The following SEC14L5 variants were observed in gnomAD, a reference collection of about 807,000 sequenced individuals.
SEC14L5 encodes the protein SEC14 like lipid binding 5, also known as SEC14-like protein 5.
In SEC14L5, 96 loss-of-function variants were observed where a neutral mutation model predicts 84.6. That is an observed-to-expected ratio of 1.13 (90% CI 0.96 to 1.34). The LOEUF is 1.34. Among genes scored for constraint, SEC14L5 ranks in the 40% most tolerant of loss-of-function variants. SEC14L5 has a pLI of 0.00. For synonymous variants in SEC14L5, 546 were observed against 383.4 expected (o/e 1.42, Z -4.95); for missense variants, 1,224 against 942.5 (o/e 1.30, Z -3.91).
chr16:5,007,652 C>G (rs1955747361), intron 13 of SEC14L5, among the ~76,000 whole-genome samples, 166 bp downstream of exon 13: 2 of 144,496 alleles, frequency 1.4e-5, no homozygotes, highest in South Asian at 4.3e-4. Flanking sequence ...GTTGCCCAGG[C>G]TGGAGTGCAG....
intron 2 of SEC14L5, among the ~76,000 whole-genome samples, chr16:4,961,062 G>A (rs1421786598): frequency 6.6e-6 from 1 of 152,098 alleles, no homozygotes; most frequent in Non-Finnish European, 1.5e-5. Flanking sequence ...ACAAGGTCAG[G>A]AGATCAAGAC....
At chr16:4,985,566 C>T (rs929568772) in intron 2 of SEC14L5, among the ~76,000 whole-genome samples, 21 of 152,012 alleles carry the variant, frequency 1.4e-4, no homozygotes, top group Admixed American at 5.3e-4. Flanking sequence ...CCAATTGTCC[C>T]GGCACCATTT....
rs1271550192 is a variant in SEC14L5 at position 5,006,041 on chromosome 16, A to T, written c.1430A>T (p.Glu477Val). Residue 477 changes from glutamate (E) to valine (V), a missense_variant, in exon 12 of 16, where the codon GAG becomes GTG. Physicochemically the swap from Glu to Val is moderately radical, Grantham distance 121. Coordinates refer to ENST00000251170, the MANE Select transcript of SEC14L5 (RefSeq NM_014692.2). ...GTGATCCCTGACTTCCTTGGGGGAG[A>T]GAGTGTGGTGAGGCTTCCATGTCCA... is the stretch of plus-strand genomic sequence containing the variant. ...REVIPDFLGG[E>V]SVCNVPEGGL... 6.2e-7 allele frequency: 1 copy of T among 1,613,120 alleles called. No individual in the cohort carries two copies. Among genetic ancestry groups the T allele is most frequent in the Non-Finnish European group, 8.5e-7 (1 of 1,179,620 alleles).
chr16:4,995,979 GGA>G (rs1313623506), intron 6 of SEC14L5, among the ~76,000 whole-genome samples: 1 of 152,136 alleles, frequency 6.6e-6, no homozygotes, highest in Non-Finnish European at 1.5e-5. Context: ...ACAGGGGTGT[GGA>G]GAGAGCTCAG....
chr16:4,967,584 T>C (rs1955219081), intron 2 of SEC14L5, among the ~76,000 whole-genome samples: 1 of 138,856 alleles, frequency 7.2e-6, no homozygotes, highest in South Asian at 2.5e-4. Flanking sequence ...TTTTTTTTTT[T>C]TTTTTTTTGA....
At chr16:4,978,836 C>A (rs567537978) in intron 2 of SEC14L5, among the ~76,000 whole-genome samples, 1 of 152,106 alleles carries the variant, frequency 6.6e-6, no homozygotes, top group Non-Finnish European at 1.5e-5. Flanking sequence ...CGCTTGACCT[C>A]GTGATCTGCC....
At chr16:5,012,270 G>C (rs1955814687) in intron 15 of SEC14L5, among the ~76,000 whole-genome samples, 1 of 152,174 alleles carries the variant, frequency 6.6e-6, no homozygotes. Context: ...ATAGACACAG[G>C]CATTGGAAGG....
chr16:4,962,436 C>T (rs540840494), intron 2 of SEC14L5, among the ~76,000 whole-genome samples: 7 of 151,986 alleles, frequency 4.6e-5, no homozygotes, highest in Non-Finnish European at 1.0e-4. Flanking sequence ...GCCTGTAATC[C>T]CAACACTTTG....
At chr16:4,996,236 G>T in intron 6 of SEC14L5, 112 bp from the exon 7 acceptor site, 1 of 667,586 alleles carries the variant, frequency 1.5e-6, no homozygotes, top group Non-Finnish European at 2.7e-6. Context: ...AGCCTGGTTT[G>T]GAACCACGTT....
chr16:4,975,460 G>A (rs1596618856), intron 2 of SEC14L5, among the ~76,000 whole-genome samples: 4 of 86,598 alleles, frequency 4.6e-5, no homozygotes, highest in South Asian at 4.0e-4. Context: ...GTGACAGAGC[G>A]AAACTCCATC....
chr16:5,017,514 C>T lies in SEC14L5; in HGVS notation c.*2544C>T, dbSNP rs1955889123. On this transcript the variant is annotated 3_prime_UTR_variant, in exon 16 of 16. Coordinates refer to ENST00000251170, the MANE Select transcript of SEC14L5 (RefSeq NM_014692.2). ...GCCAGCAGCCCCAAGCCTATAATTT[C>T]AGGATTCACACTCTAAGAGATGCTT... 1 of 152,274 alleles carries T rather than the reference C, an allele frequency of 6.6e-6. No homozygotes were observed. Among genetic ancestry groups the T allele is most frequent in the Non-Finnish European group, 1.5e-5 (1 of 68,072 alleles). 9.4% of individuals were successfully genotyped at this position (152,274 alleles called of 1,614,324 possible). A position where few individuals can be genotyped will look rare whatever the true frequency, so the allele number is the denominator to read the frequency against.
chr16:5,003,963 C>CGTGCATGCACCCAT (rs1308203180), intron 11 of SEC14L5, among the ~76,000 whole-genome samples: 1 of 152,240 alleles, frequency 6.6e-6, no homozygotes, highest in Non-Finnish European at 1.5e-5. Flanking sequence ...TGGGTACACG[C>CGTGCATGCACCCAT]GTGCATGCAC....
At chr16:4,960,954 C>G (rs1955113427) in intron 2 of SEC14L5, among the ~76,000 whole-genome samples, 1 of 152,096 alleles carries the variant, frequency 6.6e-6, no homozygotes, top group East Asian at 1.9e-4. Flanking sequence ...CTCTGCCATG[C>G]TCTGGTTGTA....
At position 4,996,968 on chromosome 16, in the gene SEC14L5, T is replaced by A; in HGVS notation, c.894T>A (p.Asp298Glu). Residue 298 changes from aspartate to glutamate, a missense_variant, in exon 8 of 16, where the codon GAT becomes GAA. Transcript: ENST00000251170. Reference sequence around the variant, plus strand: ...GCTGGCGCAAGCAGCACCAGGTGGATCTCCTCCTTCAGACCTGGCAACCCC... The same window carrying A: ...GCTGGCGCAAGCAGCACCAGGTGGAACTCCTCCTTCAGACCTGGCAACCCC... ...SLSWRKQHQV[D>E]LLLQTWQPPA... 6.2e-7 allele frequency: 1 copy of A among 1,613,460 alleles called. No individual in the cohort carries two copies. The highest frequency in any genetic ancestry group is 8.5e-7 in the Non-Finnish European group (1 of 1,179,666).
chr16:4,991,476 G>C (rs1210849654), intron 5 of SEC14L5, among the ~76,000 whole-genome samples: 1 of 151,936 alleles, frequency 6.6e-6, no homozygotes, highest in Non-Finnish European at 1.5e-5. Context: ...TGAGGCAGGA[G>C]GATCTCTTGA....
chr16:4,993,279 T>C (rs957133574), intron 6 of SEC14L5, among the ~76,000 whole-genome samples: 1 of 152,230 alleles, frequency 6.6e-6, no homozygotes, highest in African/African-American at 2.4e-5. Flanking sequence ...TCTCACTGTG[T>C]CACCCAGGCT....
Position 5,003,083 on chromosome 16 carries a change from T to C in SEC14L5, c.1131-319T>C, listed in dbSNP as rs548308930. On this transcript the variant is annotated intron_variant, in intron 10 of 15. Coordinates refer to ENST00000251170, the MANE Select transcript of SEC14L5 (RefSeq NM_014692.2). ...GTGCCCGTCCTTGCAGAGAGCTTTG[T>C]ATATACCATCTCACTTGATCCTAAC... Among the ~76,000 whole-genome samples, 4 of 152,382 alleles carry C rather than the reference T, an allele frequency of 2.6e-5. No homozygotes were observed. The South Asian group carries it at 6.2e-4, about 24-fold the overall frequency.
chr16:4,964,088 T>G (rs983943786), intron 2 of SEC14L5, among the ~76,000 whole-genome samples: 1 of 152,204 alleles, frequency 6.6e-6, no homozygotes, highest in African/African-American at 2.4e-5. Context: ...TGGAGGCAGC[T>G]GGAGTATCCA....
chr16:4,997,170 C>T, intron 8 of SEC14L5, 126 bp downstream of exon 8: 1 of 636,268 alleles, frequency 1.6e-6, no homozygotes, highest in Non-Finnish European at 2.5e-6. Flanking sequence ...GCCATCTCGG[C>T]TCACCATAAT....
Sources: gnomAD v4.1 joint callset for allele counts (sites outside exome capture counted in the v4.1 genomes callset) on GRCh38, gnomAD v4.1.1 for gene constraint, MANE v1.5 for transcripts, NCBI Gene and HGNC (gene_info 2026-07-23, HGNC 2026-07-21) for gene names.